The following CDK8 variants were observed in gnomAD, a reference collection of about 807,000 sequenced individuals.
CDK8 encodes cyclin-dependent kinase 8.
In CDK8, 29 loss-of-function variants were observed where a neutral mutation model predicts 71.5. The observed-to-expected ratio is 0.41, with a 90% CI of 0.30 to 0.55. The LOEUF (loss-of-function observed/expected upper bound fraction) is 0.55, where lower values mean the gene tolerates loss of function less well. Ranked by LOEUF, CDK8 falls within the 20% of genes least tolerant of loss-of-function variation. CDK8 has a pLI of 0.37. For missense variants in CDK8, 288 were observed against 572.6 expected (o/e 0.50, Z 5.07); for synonymous variants, 161 against 192.1 (o/e 0.84, Z 1.34).
intron 1 of CDK8, among the ~76,000 whole-genome samples, chr13:26,300,315 A>G (rs796422101): frequency 6.6e-5 from 10 of 152,240 alleles, no homozygotes; most frequent in African/African-American, 2.4e-4. Context: ...CTAATGGGTG[A>G]GTAGAGTATG....
At chr13:26,341,091 C>G (rs1032000724) in intron 2 of CDK8, among the ~76,000 whole-genome samples, 25 of 152,260 alleles carry the variant, frequency 1.6e-4, no homozygotes, top group African/African-American at 6.0e-4. Context: ...CTGGACTTGA[C>G]TTTTCTACTC....
At chr13:26,297,080 T>C (rs752121375) in intron 1 of CDK8, among the ~76,000 whole-genome samples, 2 of 152,114 alleles carry the variant, frequency 1.3e-5, no homozygotes, top group Non-Finnish European at 2.9e-5. Context: ...ATCATTAGGG[T>C]TGCCATTTAA....
At chr13:26,288,320 T>G (rs1167925435) in intron 1 of CDK8, among the ~76,000 whole-genome samples, 4 of 152,204 alleles carry the variant, frequency 2.6e-5, no homozygotes, top group African/African-American at 9.6e-5. Flanking sequence ...TTTAGGAAAT[T>G]GTTACCTACT....
intron 1 of CDK8, among the ~76,000 whole-genome samples, chr13:26,287,798 A>G (rs1432263923): frequency 1.3e-5 from 2 of 152,220 alleles, no homozygotes; most frequent in African/African-American, 2.4e-5. Context: ...ATAATACCAT[A>G]TGACATGTAA....
chr13:26,286,371 C>T (rs778663989), intron 1 of CDK8, among the ~76,000 whole-genome samples: 1 of 152,096 alleles, frequency 6.6e-6, no homozygotes, highest in Non-Finnish European at 1.5e-5. Context: ...TACTTACAGC[C>T]AACTGATCTT....
chr13:26,270,381 C>T (rs1872250094), intron 1 of CDK8, among the ~76,000 whole-genome samples: 1 of 146,380 alleles, frequency 6.8e-6, no homozygotes, highest in African/African-American at 2.7e-5. Context: ...AAGAGCGAAA[C>T]TCTGTCTCAA....
At chr13:26,349,992 G>C (rs1377976005) in intron 3 of CDK8, among the ~76,000 whole-genome samples, 1 of 152,014 alleles carries the variant, frequency 6.6e-6, no homozygotes, top group African/African-American at 2.4e-5. Flanking sequence ...ATTTACTATT[G>C]TGTCACAATT....
chr13:26,336,210 G>A (rs1872976140), intron 1 of CDK8, among the ~76,000 whole-genome samples: 1 of 152,034 alleles, frequency 6.6e-6, no homozygotes, highest in South Asian at 2.1e-4. Context: ...GTGTCTACAA[G>A]ATCCTTTCAG....
At chr13:26,317,971 G>A (rs890095079) in intron 1 of CDK8, among the ~76,000 whole-genome samples, 13 of 151,268 alleles carry the variant, frequency 8.6e-5, no homozygotes, top group Non-Finnish European at 1.5e-5. Context: ...AATATATAGC[G>A]AAAATAATAA....
chr13:26,319,566 A>C (rs544171298), intron 1 of CDK8, among the ~76,000 whole-genome samples: 1 of 152,318 alleles, frequency 6.6e-6, no homozygotes, highest in Admixed American at 6.5e-5. Context: ...AACTGAAGAC[A>C]TAAGTCGATG....
chr13:26,294,795 G>A (rs963304403), intron 1 of CDK8, among the ~76,000 whole-genome samples: 6 of 152,094 alleles, frequency 3.9e-5, no homozygotes, highest in African/African-American at 7.2e-5. Flanking sequence ...CCGTCGCCAG[G>A]CTGGAGTGCT....
chr13:26,386,901 T>C (rs1875503357), intron 6 of CDK8, among the ~76,000 whole-genome samples: 1 of 152,200 alleles, frequency 6.6e-6, no homozygotes, highest in Non-Finnish European at 1.5e-5. Flanking sequence ...TATTTCACAG[T>C]GATATGCTGA....
At chr13:26,301,392 G>C (rs1593249711) in intron 1 of CDK8, among the ~76,000 whole-genome samples, 1 of 152,086 alleles carries the variant, frequency 6.6e-6, no homozygotes, top group East Asian at 1.9e-4. Context: ...AATTTAATGT[G>C]GTAATTAATT....
chr13:26,334,367 G>C (rs893059804), intron 1 of CDK8, among the ~76,000 whole-genome samples: 3 of 152,096 alleles, frequency 2.0e-5, no homozygotes, highest in African/African-American at 7.2e-5. Context: ...TATACCCTTG[G>C]ATTGACCATC....
intron 6 of CDK8, among the ~76,000 whole-genome samples, chr13:26,392,092 A>G (rs930591483): frequency 6.6e-6 from 1 of 152,192 alleles, no homozygotes; most frequent in South Asian, 2.1e-4. Flanking sequence ...GGTCTGCTAT[A>G]TGCACACCAT....
intron 1 of CDK8, among the ~76,000 whole-genome samples, chr13:26,326,506 T>C (rs1875024355): frequency 1.3e-5 from 2 of 152,212 alleles, no homozygotes; most frequent in African/African-American, 2.4e-5. Context: ...GTTCTGGCCA[T>C]CTAGATCTTT....
chr13:26,364,373 C>T lies in CDK8; in HGVS notation c.456+10493C>T, dbSNP rs185496903. ...TTGTCATGTAATATTAAATGTGTCA[C>T]ATAATATTAAATTTTACTGTGGGTT... On this transcript the variant is annotated intron_variant, in intron 4 of 12. Coordinates refer to ENST00000381527, the MANE Select transcript of CDK8 (RefSeq NM_001260.3). Among the ~76,000 whole-genome samples, 445 of 152,178 alleles carry T rather than the reference C, an allele frequency of 2.9e-3. 6 individuals are homozygous for T. The highest frequency in any genetic ancestry group is 0.01 in the African/African-American group (421 of 41,514).
At chr13:26,275,873 C>CT (rs376193926) in intron 1 of CDK8, among the ~76,000 whole-genome samples, 69 of 149,762 alleles carry the variant, frequency 4.6e-4, no homozygotes, top group African/African-American at 1.5e-3. Context: ...TTGGCTCTAA[C>CT]TTTTTTTTTT....
At chr13:26,295,839 A>G (rs1169551738) in intron 1 of CDK8, among the ~76,000 whole-genome samples, 1 of 152,174 alleles carries the variant, frequency 6.6e-6, no homozygotes, top group East Asian at 1.9e-4. Context: ...ATGAGGTCTC[A>G]ATGGTCAGGT....
Sources: gnomAD v4.1 joint callset for allele counts (sites outside exome capture counted in the v4.1 genomes callset) on GRCh38, gnomAD v4.1.1 for gene constraint, MANE v1.5 for transcripts, NCBI Gene and HGNC (gene_info 2026-07-23, HGNC 2026-07-21) for gene names.